Variants in LVRN observed in about 807,000 individuals in gnomAD.
LVRN encodes laeverin.
Under a neutral mutation model 111.4 loss-of-function variants are expected in LVRN, and 99 were observed. That is an observed-to-expected ratio of 0.89 (90% CI 0.76 to 1.05). LVRN has a LOEUF of 1.05. Among genes scored for constraint, LVRN ranks in the 50% least tolerant of loss-of-function variants. LVRN has a pLI of 0.00. For missense variants in LVRN, 1,414 were observed against 1,206.8 expected (o/e 1.17, Z -2.54); for synonymous variants, 488 against 449.5 (o/e 1.09, Z -1.08).
intron 1 of LVRN, among the ~76,000 whole-genome samples, chr5:115,974,210 C>G (rs890068997): frequency 2.0e-5 from 3 of 152,048 alleles, no homozygotes; most frequent in African/African-American, 7.2e-5. Flanking sequence ...AGAATGCATT[C>G]CTAGAAGAGA....
intron 1 of LVRN, among the ~76,000 whole-genome samples, chr5:115,977,209 C>T (rs1401569264): frequency 2.6e-5 from 4 of 152,120 alleles, no homozygotes; most frequent in African/African-American, 7.2e-5. Flanking sequence ...TGCATAGTTA[C>T]CTCTTCTCTT....
chr5:115,994,446 T>C (rs1748062651), intron 6 of LVRN, among the ~76,000 whole-genome samples: 1 of 152,094 alleles, frequency 6.6e-6, no homozygotes, highest in African/African-American at 2.4e-5. Flanking sequence ...ATCATTTTTG[T>C]ATTGTTTGTA....
intron 1 of LVRN, among the ~76,000 whole-genome samples, chr5:115,971,116 T>A (rs1753316029): frequency 6.6e-6 from 1 of 152,188 alleles, no homozygotes; most frequent in Non-Finnish European, 1.5e-5. Flanking sequence ...ACTAAAAATG[T>A]TGTGCATCAT....
intron 18 of LVRN, chr5:116,021,592 A>G: frequency 3.2e-6 from 1 of 312,110 alleles, no homozygotes; most frequent in South Asian, 2.9e-5. Flanking sequence ...ATCATTTTTA[A>G]TTTCAAGTAC....
chr5:115,973,991 C>T (rs889506625), intron 1 of LVRN, among the ~76,000 whole-genome samples: 1 of 152,050 alleles, frequency 6.6e-6, no homozygotes, highest in South Asian at 2.1e-4. Flanking sequence ...ATATAATAAG[C>T]CCCCATTCAT....
In LVRN at chr5:116,003,338, A is replaced by G; in HGVS notation, c.1995A>G (p.Leu665=). ...TGYYRVNYDK[L]GWKKLNQQLE... ...ATTATAGAGTTAATTATGATAAATT[A>G]GGTTGGAAGAAACTAAATCAACAAC... The change falls in exon 12 of 20, where the codon TTA becomes TTG. Residue 665 remains leucine, a synonymous_variant. Transcript: ENST00000357872. 2 of 1,515,378 alleles carry G rather than the reference A, an allele frequency of 1.3e-6. No individual in the cohort carries two copies. Among genetic ancestry groups the G allele is most frequent in the Non-Finnish European group, 1.8e-6 (2 of 1,116,696 alleles). 93.9% of individuals were successfully genotyped at this position (1,515,378 alleles called of 1,614,324 possible).
At chr5:116,007,962 G>A (rs1053458046) in intron 13 of LVRN, among the ~76,000 whole-genome samples, 2 of 152,140 alleles carry the variant, frequency 1.3e-5, no homozygotes, top group Non-Finnish European at 2.9e-5. Context: ...CTTAATAATT[G>A]TGTGTGTTCT....
chr5:116,023,775 C>T (rs1052053069), intron 19 of LVRN: 3 of 152,096 alleles, frequency 2.0e-5, no homozygotes, highest in African/African-American at 7.2e-5. Flanking sequence ...TTTATGGTAC[C>T]AAATGGTGGC....
intron 1 of LVRN, among the ~76,000 whole-genome samples, chr5:115,972,963 C>A (rs944806053): frequency 6.6e-6 from 1 of 151,180 alleles, no homozygotes; most frequent in Non-Finnish European, 1.5e-5. Flanking sequence ...GGTCTCACTT[C>A]TGGTGCCCAG....
At chr5:115,984,274 TA>T (rs1175526401) in intron 2 of LVRN, among the ~76,000 whole-genome samples, 1 of 151,976 alleles carries the variant, frequency 6.6e-6, no homozygotes, top group Non-Finnish European at 1.5e-5. Flanking sequence ...TAGAAAACAA[TA>T]GAATTAGGTG....
At chr5:115,983,862 C>G (rs1747778932) in intron 2 of LVRN, among the ~76,000 whole-genome samples, 1 of 152,144 alleles carries the variant, frequency 6.6e-6, no homozygotes, top group Admixed American at 6.5e-5. Flanking sequence ...GAAGTTCTAA[C>G]AACACTGGAC....
At position 116,026,781 on chromosome 5, in the gene LVRN, G is replaced by C. The variant is rs1280624929; in HGVS notation, c.*663G>C. On this transcript the variant is annotated 3_prime_UTR_variant, in exon 20 of 20. Coordinates refer to ENST00000357872, the MANE Select transcript of LVRN (RefSeq NM_173800.5). ...TTTATGGTGTCACAAAAAGACAAAT[G>C]ATTGTAGGATCCATGGAAGTGCACT... 1.3e-5 allele frequency: 2 copies of C among 152,866 alleles called. No individual in the cohort carries two copies. The highest frequency in any genetic ancestry group is 3.8e-4 in the East Asian group (2 of 5,196). 9.5% of individuals were successfully genotyped at this position (152,866 alleles called of 1,614,324 possible).
chr5:115,997,534 C>T (rs890363285), intron 6 of LVRN, among the ~76,000 whole-genome samples: 6 of 151,912 alleles, frequency 3.9e-5, no homozygotes, highest in African/African-American at 1.5e-4. Context: ...CATGGTGCTG[C>T]ACCCTTGTAG....
intron 18 of LVRN, among the ~76,000 whole-genome samples, chr5:116,019,316 C>G (rs867365460): frequency 1.8e-4 from 28 of 152,296 alleles, no homozygotes; most frequent in African/African-American, 6.0e-4. Flanking sequence ...CCTTTTTAAT[C>G]TTGTAGGACC....
chr5:115,969,051 A>G (rs1298662600), intron 1 of LVRN, among the ~76,000 whole-genome samples: 1 of 152,190 alleles, frequency 6.6e-6, no homozygotes, highest in Non-Finnish European at 1.5e-5. Flanking sequence ...AAGTCATACC[A>G]TCTGATGAAT....
At chr5:116,017,506 G>T (rs117944114) in intron 18 of LVRN, among the ~76,000 whole-genome samples, 157 of 152,292 alleles carry the variant, frequency 1.0e-3, no homozygotes, top group Admixed American at 8.5e-3. Flanking sequence ...AAGAACTATG[G>T]AAAGTGTCTC....
chr5:115,963,317 G>A lies in LVRN; in HGVS notation c.695+5G>A. On this transcript the variant is annotated splice_donor_5th_base_variant and intron_variant, in intron 1 of 19. Transcript: ENST00000357872. ...CACCGACCAGGGCGAGCGCAGGTAAGGGCTGTACAGCCCGGGGCCCCTCTC... is the reference window on the plus strand; with the variant it reads ...CACCGACCAGGGCGAGCGCAGGTAAAGGCTGTACAGCCCGGGGCCCCTCTC... 1.3e-6 allele frequency: 2 copies of A among 1,593,096 alleles called. No individual in the cohort carries two copies. The highest frequency in any genetic ancestry group is 2.3e-5 in the South Asian group (2 of 88,224).
chr5:116,001,252 G>T lies in LVRN; in HGVS notation c.1820+13G>T, dbSNP rs755024501. 2 of 1,611,514 alleles carry T rather than the reference G, an allele frequency of 1.2e-6. No homozygotes were observed. Among genetic ancestry groups the T allele is most frequent in the Admixed American group, 3.4e-5 (2 of 59,206 alleles). ...TTCTAACCAGCAAGTAGGTAGCTTT[G>T]CTCCTCTTTGTCTTCACCTTCCTTG... On this transcript the variant is annotated intron_variant, in intron 10 of 19. Transcript: ENST00000357872.
In LVRN at chr5:115,969,556, G is replaced by A. The variant is rs1020285215; in HGVS notation, c.695+6244G>A. On this transcript the variant is annotated intron_variant, in intron 1 of 19. Coordinates refer to ENST00000357872, the MANE Select transcript of LVRN (RefSeq NM_173800.5). The stretch of plus-strand genomic sequence containing the variant: ...CTCACGCCTGTAATCCCAGCACTTT[G>A]GGAGGCCGAGGCAGGTGGATCACGA... Among the ~76,000 whole-genome samples, 8 of 152,132 alleles carry A rather than the reference G, an allele frequency of 5.3e-5. No homozygotes were observed. The South Asian group carries it at 8.3e-4, about 16-fold the overall frequency.
Sources: gnomAD v4.1 joint callset for allele counts (sites outside exome capture counted in the v4.1 genomes callset) on GRCh38, gnomAD v4.1.1 for gene constraint, MANE v1.5 for transcripts, NCBI Gene and HGNC (gene_info 2026-07-23, HGNC 2026-07-21) for gene names.